The following TCERG1L variants were observed in gnomAD, a reference collection of about 807,000 sequenced individuals.
TCERG1L encodes transcription elongation regulator 1-like protein.
A neutral mutation model predicts 56.3 loss-of-function variants in TCERG1L; 37 were observed. The ratio of observed to expected loss-of-function variants is 0.66; its 90% confidence interval spans 0.51 to 0.87. TCERG1L has a LOEUF of 0.87. Ranked by LOEUF, TCERG1L falls within the 40% of genes least tolerant of loss-of-function variation. TCERG1L has a pLI of 0.00. For synonymous variants in TCERG1L, 324 were observed against 326.3 expected (o/e 0.99, Z 0.08); for missense variants, 799 against 774.2 (o/e 1.03, Z -0.38).
chr10:131,286,748 T>C (rs1322234566), intron 3 of TCERG1L, among the ~76,000 whole-genome samples: 1 of 152,230 alleles, frequency 6.6e-6, no homozygotes, highest in East Asian at 1.9e-4. Context: ...TAAATTTCTT[T>C]GAAATGCTGT....
intron 4 of TCERG1L, among the ~76,000 whole-genome samples, chr10:131,218,338 C>T (rs951336073): frequency 1.3e-5 from 2 of 152,156 alleles, no homozygotes; most frequent in African/African-American, 2.4e-5. Flanking sequence ...CCTGTGGAAA[C>T]GCCGCATAAT....
intron 3 of TCERG1L, among the ~76,000 whole-genome samples, chr10:131,282,749 G>C (rs544016241): frequency 6.6e-6 from 1 of 152,128 alleles, no homozygotes; most frequent in Non-Finnish European, 1.5e-5. Context: ...CAGACACTTT[G>C]TCAGGCTTTG....
At chr10:131,258,307 G>T (rs1047887398) in intron 4 of TCERG1L, among the ~76,000 whole-genome samples, 1 of 152,226 alleles carries the variant, frequency 6.6e-6, no homozygotes, top group Non-Finnish European at 1.5e-5. Context: ...TCCCATCTCC[G>T]TCAAGTCTTG....
At chr10:131,213,519 C>T (rs1845638252) in intron 4 of TCERG1L, among the ~76,000 whole-genome samples, 1 of 152,210 alleles carries the variant, frequency 6.6e-6, no homozygotes, top group Non-Finnish European at 1.5e-5. Flanking sequence ...CCACAGCCTC[C>T]GTTCAGATTC....
rs868142703 is a variant in TCERG1L at position 131,311,578 on chromosome 10, G to A, written c.58C>T (p.Arg20Trp). The A allele has an allele frequency of 8.6e-7, 1 of 1,157,962 alleles. No individual in the cohort carries two copies. Among genetic ancestry groups the A allele is most frequent in the East Asian group, 4.1e-5 (1 of 24,554 alleles). The allele number at this position is 1,157,962 out of a possible 1,614,324, so 71.7% of individuals were successfully genotyped here. ...GGCCAGAGGAGAGGCTGCCGCCGCC[G>A]GGGCTGCTGCTGCTGCAGCTGCCGC... is the stretch of plus-strand genomic sequence containing the variant. ...RRRQLQQQQP[R>W]RRQPLLWPMD... Residue 20 changes from arginine (R) to tryptophan (W), a missense_variant, in exon 1 of 12, where the codon CGG becomes TGG. Coordinates refer to ENST00000368642, the MANE Select transcript of TCERG1L (RefSeq NM_174937.4). The surrounding 1 kb of genome is among the most constrained non-coding windows in gnomAD (Gnocchi z 4.0).
At chr10:131,245,550 G>A (rs921064833) in intron 4 of TCERG1L, among the ~76,000 whole-genome samples, 4 of 152,138 alleles carry the variant, frequency 2.6e-5, no homozygotes, top group African/African-American at 9.7e-5. Context: ...TCCGGGGGCA[G>A]CGACAGGAAA....
At position 131,311,341 on chromosome 10, in the gene TCERG1L, A is replaced by C. The variant is rs1170712171; in HGVS notation, c.295T>G (p.Ser99Ala). 279 of 1,193,486 alleles carry C rather than the reference A, an allele frequency of 2.3e-4. No individual in the cohort carries two copies. Among genetic ancestry groups the C allele is most frequent in the Non-Finnish European group, 2.8e-4 (274 of 965,618 alleles). The allele number at this position is 1,193,486 out of a possible 1,614,324, so 73.9% of individuals were successfully genotyped here. ...GGGTGCGCGGCGGCGGCGGCGGCGG[A>C]GTCTGGCGCAGAGGGCAGCGGCAGC... Reference protein sequence around the residue: ...PLLPLPSAPDSAAAAAAHPFP... With the variant: ...PLLPLPSAPDAAAAAAAHPFP... The change falls in exon 1 of 12, where the codon TCC becomes GCC. Residue 99 changes from serine (S) to alanine (A), a missense_variant. By Grantham distance (99) the Ser-to-Ala change is moderately conservative. Coordinates refer to ENST00000368642, the MANE Select transcript of TCERG1L (RefSeq NM_174937.4). The surrounding 1 kb of genome is among the most constrained non-coding windows in gnomAD (Gnocchi z 4.0).
At chr10:131,182,751 C>A (rs1308835607) in intron 4 of TCERG1L, among the ~76,000 whole-genome samples, 1 of 110,014 alleles carries the variant, frequency 9.1e-6, no homozygotes, top group Non-Finnish European at 1.9e-5. Context: ...CAGTGCTCAC[C>A]TAACTGATTT....
chr10:131,227,849 T>C (rs1309489324), intron 4 of TCERG1L, among the ~76,000 whole-genome samples: 1 of 47,028 alleles, frequency 2.1e-5, no homozygotes, highest in Non-Finnish European at 4.1e-5. Flanking sequence ...TCCCGTGGTC[T>C]CTAATATTTA....
intron 4 of TCERG1L, among the ~76,000 whole-genome samples, chr10:131,214,268 C>G (rs749377966): frequency 1.7e-4 from 26 of 152,094 alleles, no homozygotes; most frequent in Non-Finnish European, 3.5e-4. Flanking sequence ...ACGCCCTGCC[C>G]CCTGTCCAGG....
At chr10:131,309,661 T>G (rs756650861) in intron 1 of TCERG1L, among the ~76,000 whole-genome samples, 9 of 151,988 alleles carry the variant, frequency 5.9e-5, no homozygotes, top group Non-Finnish European at 8.8e-5. Flanking sequence ...TTAAATTATT[T>G]TTATAGGCAG....
intron 4 of TCERG1L, among the ~76,000 whole-genome samples, chr10:131,170,900 C>T (rs1046534359): frequency 6.6e-6 from 1 of 152,176 alleles, no homozygotes; most frequent in African/African-American, 2.4e-5. Flanking sequence ...ATAATCCCAG[C>T]ACTTTGGGAG....
intron 4 of TCERG1L, among the ~76,000 whole-genome samples, chr10:131,245,825 G>A (rs2196742): frequency 0.038 from 5,851 of 152,304 alleles, 154 homozygotes; most frequent in Middle Eastern, 0.071. Context: ...TGTGGGGTGG[G>A]CTGCAGGGCC....
At position 131,103,818 on chromosome 10, in the gene TCERG1L, T is replaced by A. The variant is rs1035253129; in HGVS notation, c.1485+447A>T. Among the ~76,000 whole-genome samples the A allele has an allele frequency of 2.0e-5, 3 of 152,212 alleles. No homozygotes were observed. Among genetic ancestry groups the A allele is most frequent in the Non-Finnish European group, 2.9e-5 (2 of 68,048 alleles). ...ACCCTCTCTTCATGGCCTTCCTCCA[T>A]TCTATTTGTTAGGGGTTTCTTAACA... On this transcript the variant is annotated intron_variant, in intron 10 of 11. Transcript: ENST00000368642. The surrounding 1 kb of genome is among the most constrained non-coding windows in gnomAD (Gnocchi z 4.3).
intron 4 of TCERG1L, among the ~76,000 whole-genome samples, chr10:131,248,573 C>T (rs548797793): frequency 6.6e-6 from 1 of 152,318 alleles, no homozygotes; most frequent in Non-Finnish European, 1.5e-5. Context: ...CCCGTGACCC[C>T]CTAGACTATC....
chr10:131,158,785 C>T (rs957551148), intron 6 of TCERG1L, among the ~76,000 whole-genome samples: 83 of 152,338 alleles, frequency 5.4e-4, no homozygotes, highest in African/African-American at 1.8e-3. Flanking sequence ...AGCGGACCAT[C>T]GCAGAGAGGA....
In TCERG1L at chr10:131,311,444, G is replaced by C; in HGVS notation, c.192C>G (p.Ala64=). ...AGVVVPPVLL[A]SAPPPAAPLL... is the part of the protein sequence containing the mutation. ...GCGGGGCCGCGGGCGGCGGGGCCGA[G>C]GCGAGCAGCACCGGGGGAACCACGA... The change falls in exon 1 of 12, where the codon GCC becomes GCG. Residue 64 remains alanine, a synonymous_variant. Coordinates refer to ENST00000368642, the MANE Select transcript of TCERG1L (RefSeq NM_174937.4). This position sits in a 1 kb window ranked among gnomAD's most constrained non-coding sequence, Gnocchi z 4.0. 8.5e-7 allele frequency: 1 copy of C among 1,177,148 alleles called. No homozygotes were observed. Among genetic ancestry groups the C allele is most frequent in the Non-Finnish European group, 1.0e-6 (1 of 954,392 alleles). The allele number at this position is 1,177,148 out of a possible 1,614,324, so 72.9% of individuals were successfully genotyped here. A position where few individuals can be genotyped will look rare whatever the true frequency, so the allele number is the denominator to read the frequency against.
chr10:131,152,841 G>A (rs1845880098), intron 6 of TCERG1L, among the ~76,000 whole-genome samples: 1 of 152,160 alleles, frequency 6.6e-6, no homozygotes. Flanking sequence ...TTCACAGGGT[G>A]GCAGAAGAGA....
At chr10:131,171,164 A>T (rs1374520707) in intron 4 of TCERG1L, among the ~76,000 whole-genome samples, 2 of 96,034 alleles carry the variant, frequency 2.1e-5, no homozygotes, top group African/African-American at 7.7e-5. Context: ...CAAAAACAAA[A>T]ACAAAAACAC....
Sources: allele counts gnomAD v4.1 joint callset (sites outside exome capture counted in the v4.1 genomes callset), GRCh38; gene constraint gnomAD v4.1.1; non-coding constraint Gnocchi (gnomAD v3.1); transcripts MANE v1.5; gene names NCBI Gene and HGNC (gene_info 2026-07-23, HGNC 2026-07-21).